NXPE2: variants seen among roughly 807,000 people sequenced by gnomAD.
NXPE2 encodes the protein NXPE family member 2.
In NXPE2, 34 loss-of-function variants were observed where a neutral mutation model predicts 34.4. The observed-to-expected ratio is 0.99, with a 90% CI of 0.75 to 1.31. NXPE2 has a LOEUF of 1.31. Ranked by LOEUF, NXPE2 falls within the 40% of genes most tolerant of loss-of-function variation. NXPE2 has a pLI of 0.00. For missense variants in NXPE2, 649 were observed against 672.5 expected (o/e 0.97, Z 0.39); for synonymous variants, 235 against 231.3 (o/e 1.02, Z -0.15).
intron 2 of NXPE2, among the ~76,000 whole-genome samples, chr11:114,686,466 G>A (rs1006331420): frequency 1.3e-5 from 2 of 152,144 alleles, no homozygotes; most frequent in African/African-American, 4.8e-5. Context: ...TGTTTTGGCA[G>A]TGTAGTATTC....
chr11:114,585,834 G>T, the NXPE2 span, among the ~76,000 whole-genome samples: 194 of 152,252 alleles, frequency 1.3e-3, no homozygotes, highest in Admixed American at 2.4e-3. Flanking sequence ...ACTTGCATGG[G>T]TGAATGCTGG....
the NXPE2 span, among the ~76,000 whole-genome samples, chr11:114,578,400 T>G: frequency 1.3e-5 from 2 of 152,170 alleles, no homozygotes; most frequent in African/African-American, 2.4e-5. Context: ...CTCAGTCCTT[T>G]ATATGACCCA....
At chr11:114,594,290 A>G in the NXPE2 span, among the ~76,000 whole-genome samples, 3 of 152,310 alleles carry the variant, frequency 2.0e-5, no homozygotes, top group South Asian at 6.2e-4. Flanking sequence ...TATCTCATCT[A>G]CCCCATAAAT....
At chr11:114,607,892 G>A in the NXPE2 span, among the ~76,000 whole-genome samples, 27 of 151,980 alleles carry the variant, frequency 1.8e-4, no homozygotes, top group Middle Eastern at 3.4e-3. Flanking sequence ...GTACTGCCTC[G>A]TGGGTAACCA....
At chr11:114,589,617 T>C in the NXPE2 span, among the ~76,000 whole-genome samples, 1 of 152,208 alleles carries the variant, frequency 6.6e-6, no homozygotes, top group Non-Finnish European at 1.5e-5. Flanking sequence ...TTTTCTCCTC[T>C]AGTGGAAGCT....
the NXPE2 span, among the ~76,000 whole-genome samples, chr11:114,645,409 G>T: frequency 6.6e-6 from 1 of 151,990 alleles, no homozygotes; most frequent in East Asian, 1.9e-4. Context: ...GTGAAAAGGC[G>T]AACTTTAAAA....
chr11:114,810,096 T>C, the NXPE2 span, among the ~76,000 whole-genome samples: 13 of 148,174 alleles, frequency 8.8e-5, no homozygotes, highest in South Asian at 2.8e-3. Flanking sequence ...GGGGAAAGGA[T>C]TCCCTATTTA....
the NXPE2 span, among the ~76,000 whole-genome samples, chr11:114,803,938 T>TAATC: frequency 6.6e-6 from 1 of 152,308 alleles, no homozygotes; most frequent in Admixed American, 6.5e-5. Flanking sequence ...CCTCATGATC[T>TAATC]AATCACCCCC....
chr11:114,632,970 T>A, the NXPE2 span, among the ~76,000 whole-genome samples: 3 of 103,506 alleles, frequency 2.9e-5, no homozygotes, highest in African/African-American at 1.2e-4. Context: ...AATTATATAT[T>A]ATATATTATA....
the NXPE2 span, chr11:114,529,673 T>C: frequency 6.3e-6 from 1 of 158,746 alleles, no homozygotes; most frequent in Non-Finnish European, 1.4e-5. Context: ...AGAAAACCAG[T>C]AGGAATTGGC....
the NXPE2 span, among the ~76,000 whole-genome samples, chr11:114,781,696 C>G: frequency 6.6e-6 from 1 of 152,150 alleles, no homozygotes; most frequent in South Asian, 2.1e-4. Flanking sequence ...GCCATGAATT[C>G]TGGGTAGTGG....
the NXPE2 span, among the ~76,000 whole-genome samples, chr11:114,729,449 T>C: frequency 2.6e-5 from 4 of 152,278 alleles, no homozygotes; most frequent in African/African-American, 9.6e-5. Flanking sequence ...CTGGGTCAAA[T>C]GGTAGTTCTG....
the NXPE2 span, among the ~76,000 whole-genome samples, chr11:114,712,665 G>A: frequency 2.0e-5 from 3 of 152,188 alleles, no homozygotes; most frequent in Non-Finnish European, 4.4e-5. Context: ...TGCACTGTGA[G>A]TGGGAATGTA....
chr11:114,607,506 A>C, the NXPE2 span, among the ~76,000 whole-genome samples: 1 of 151,976 alleles, frequency 6.6e-6, no homozygotes, highest in Non-Finnish European at 1.5e-5. Flanking sequence ...CTGGATACTA[A>C]GTTTTGCCTG....
At chr11:114,613,174 G>C in the NXPE2 span, among the ~76,000 whole-genome samples, 12 of 151,624 alleles carry the variant, frequency 7.9e-5, no homozygotes, top group African/African-American at 1.9e-4. Flanking sequence ...TGGATAATTA[G>C]TGTTGCCTCT....
chr11:114,465,467 A>G, the NXPE2 span, among the ~76,000 whole-genome samples: 1 of 152,166 alleles, frequency 6.6e-6, no homozygotes, highest in Non-Finnish European at 1.5e-5. Context: ...TTTAGGGTGT[A>G]CATAAGTGGA....
the NXPE2 span, among the ~76,000 whole-genome samples, chr11:114,632,470 A>G: frequency 7.8e-6 from 1 of 128,544 alleles, no homozygotes; most frequent in Non-Finnish European, 1.6e-5. Flanking sequence ...TACATTATAT[A>G]TACTATATAA....
chr11:114,474,081 T>A, the NXPE2 span, among the ~76,000 whole-genome samples: 6 of 152,226 alleles, frequency 3.9e-5, no homozygotes, highest in Middle Eastern at 3.4e-3. Context: ...TGAAGAGGTC[T>A]GGGAAGGAAC....
At chr11:114,747,018 T>C in the NXPE2 span, among the ~76,000 whole-genome samples, 2 of 152,322 alleles carry the variant, frequency 1.3e-5, no homozygotes, top group South Asian at 4.1e-4. Context: ...CCTATCTCTT[T>C]GGCTAATTTG....
Sources: allele counts gnomAD v4.1 joint callset (sites outside exome capture counted in the v4.1 genomes callset), GRCh38; gene constraint gnomAD v4.1.1; transcripts MANE v1.5; gene names NCBI Gene and HGNC (gene_info 2026-07-23, HGNC 2026-07-21).